PEAK1: variants seen among roughly 807,000 people sequenced by gnomAD.
The protein encoded by PEAK1 is pseudopodium enriched atypical kinase 1, also known as inactive tyrosine-protein kinase PEAK1.
Under a neutral mutation model 124.7 loss-of-function variants are expected in PEAK1, and 54 were observed. The ratio of observed to expected loss-of-function variants is 0.43; its 90% CI spans 0.35 to 0.54. PEAK1 has a LOEUF of 0.54. Ranked by LOEUF, PEAK1 falls within the 20% of genes least tolerant of loss-of-function variation. The pLI, the probability that PEAK1 is intolerant of heterozygous loss-of-function variation, is 0.01. For synonymous variants in PEAK1, 719 were observed against 760.0 expected, an observed-to-expected ratio of 0.95 and a Z score of 0.89; for missense variants, 2,046 against 2,134.5, an observed-to-expected ratio of 0.96 and a Z score of 0.82.
chr15:77,277,274 A>T (rs1337147593), intron 5 of PEAK1, among the ~76,000 whole-genome samples: 1 of 152,156 alleles, frequency 6.6e-6, no homozygotes, highest in East Asian at 1.9e-4. Flanking sequence ...AAAATGACAA[A>T]ATTATAGAGA....
intron 6 of PEAK1, among the ~76,000 whole-genome samples, chr15:77,220,916 A>T (rs1378387643): frequency 1.3e-5 from 2 of 152,104 alleles, no homozygotes; most frequent in Non-Finnish European, 2.9e-5. Flanking sequence ...TTAGAAACTA[A>T]ATACAGACAA....
intron 2 of PEAK1, among the ~76,000 whole-genome samples, chr15:77,322,551 C>T (rs2065289212): frequency 6.6e-6 from 1 of 152,214 alleles, no homozygotes; most frequent in Admixed American, 6.5e-5. Flanking sequence ...AATTCCTCAA[C>T]TCTTACACCC....
At chr15:77,396,388 A>T (rs760617378) in intron 1 of PEAK1, among the ~76,000 whole-genome samples, 2 of 150,548 alleles carry the variant, frequency 1.3e-5, no homozygotes, top group African/African-American at 5.0e-5. Context: ...GGAAACAAAT[A>T]AAAATATGGT....
At chr15:77,355,653 G>C in intron 2 of PEAK1, 1 of 613,300 alleles carries the variant, frequency 1.6e-6, no homozygotes, top group African/African-American at 2.0e-5. Flanking sequence ...CTCTATGAAG[G>C]GCTACAGACC....
intron 9 of PEAK1, among the ~76,000 whole-genome samples, chr15:77,127,750 G>A (rs573476027): frequency 3.3e-5 from 5 of 152,272 alleles, no homozygotes; most frequent in African/African-American, 1.2e-4. Context: ...AAACCAGAAC[G>A]TGAAGACTTG....
intron 5 of PEAK1, among the ~76,000 whole-genome samples, chr15:77,281,840 G>A (rs184717136): frequency 2.7e-3 from 417 of 152,142 alleles, no homozygotes; most frequent in Non-Finnish European, 4.3e-3. Context: ...AAATAACTGG[G>A]CAACTCAAAG....
chr15:77,212,279 A>G (rs2058941086), intron 6 of PEAK1, among the ~76,000 whole-genome samples: 1 of 152,174 alleles, frequency 6.6e-6, no homozygotes, highest in African/African-American at 2.4e-5. Context: ...TTCTCTTTTT[A>G]GTACTTTTCC....
intron 5 of PEAK1, among the ~76,000 whole-genome samples, chr15:77,281,470 T>C (rs749307179): frequency 6.6e-6 from 1 of 152,170 alleles, no homozygotes; most frequent in Non-Finnish European, 1.5e-5. Flanking sequence ...AATCTTATAT[T>C]AAAATGTTCT....
Position 77,133,281 on chromosome 15 carries a change from G to A in PEAK1, c.3801C>T (p.Gly1267=). The A allele has an allele frequency of 1.2e-6, 2 of 1,614,242 alleles. No individual in the cohort carries two copies. The highest frequency in any genetic ancestry group is 1.7e-6 in the Non-Finnish European group (2 of 1,180,032). Residue 1267 remains glycine, a synonymous_variant, in exon 9 of 10, where the codon GGC becomes GGT. Coordinates refer to ENST00000682557, the MANE Select transcript of PEAK1 (RefSeq NM_001385026.1). The surrounding 1 kb of genome is among the most constrained non-coding windows in gnomAD (Gnocchi z 4.2). ...GTGCTTGTCTCTGCGGCTTCTGGAT[G>A]CCTCGGCCCTGTCTGCAAGAGGGCC... ...RRGPSCRQGR[G]IQKPQRQALY...
intron 2 of PEAK1, among the ~76,000 whole-genome samples, chr15:77,296,629 T>G (rs2063500572): frequency 1.4e-5 from 2 of 146,068 alleles, no homozygotes; most frequent in African/African-American, 2.6e-5. Context: ...AATAAATAAA[T>G]AAAAGAAAAT....
chr15:77,184,626 G>A (rs1047566685), intron 6 of PEAK1, among the ~76,000 whole-genome samples: 1 of 152,230 alleles, frequency 6.6e-6, no homozygotes, highest in Admixed American at 6.5e-5. Flanking sequence ...GCTGGGCGCG[G>A]TAGCTCATGC....
chr15:77,293,824 T>C (rs73461003), intron 2 of PEAK1, among the ~76,000 whole-genome samples: 233 of 152,314 alleles, frequency 1.5e-3, no homozygotes, highest in African/African-American at 5.5e-3. Context: ...TACAATTAAT[T>C]GAAGCTCTGA....
intron 1 of PEAK1, among the ~76,000 whole-genome samples, chr15:77,387,684 T>C (rs1487038624): frequency 6.6e-6 from 1 of 152,190 alleles, no homozygotes; most frequent in Non-Finnish European, 1.5e-5. Context: ...ATAAAGTTAC[T>C]TGAGGAAGCT....
intron 1 of PEAK1, among the ~76,000 whole-genome samples, chr15:77,394,168 G>A (rs1385815204): frequency 2.0e-5 from 3 of 152,198 alleles, no homozygotes; most frequent in African/African-American, 7.2e-5. Flanking sequence ...GCTCCTGGAT[G>A]GCATCTCTGG....
intron 1 of PEAK1, among the ~76,000 whole-genome samples, chr15:77,372,054 A>T (rs2068680266): frequency 6.6e-6 from 1 of 152,230 alleles, no homozygotes. Context: ...TCAAAGGTAT[A>T]AGGCAACAAC....
chr15:77,338,476 G>C (rs529543772), intron 2 of PEAK1, among the ~76,000 whole-genome samples: 1 of 151,950 alleles, frequency 6.6e-6, no homozygotes, highest in East Asian at 1.9e-4. Context: ...TCTACAAAAG[G>C]TACACTCCCC....
At chr15:77,273,843 A>C (rs1380365933) in intron 5 of PEAK1, among the ~76,000 whole-genome samples, 1 of 152,178 alleles carries the variant, frequency 6.6e-6, no homozygotes, top group Non-Finnish European at 1.5e-5. Flanking sequence ...CAAAAAGAAC[A>C]AATTTGGAGG....
At chr15:77,173,157 T>C (rs190913517) in intron 7 of PEAK1, among the ~76,000 whole-genome samples, 1 of 152,316 alleles carries the variant, frequency 6.6e-6, no homozygotes, top group African/African-American at 2.4e-5. Context: ...AAGATGCAAG[T>C]AGTTTTAACC....
chr15:77,281,947 C>A (rs879388337), intron 5 of PEAK1, among the ~76,000 whole-genome samples: 2 of 152,150 alleles, frequency 1.3e-5, no homozygotes, highest in African/African-American at 2.4e-5. Flanking sequence ...CCATTTAATT[C>A]TTTCAAATAC....
Sources: allele counts gnomAD v4.1 joint callset (sites outside exome capture counted in the v4.1 genomes callset), GRCh38; gene constraint gnomAD v4.1.1; non-coding constraint Gnocchi (gnomAD v3.1); transcripts MANE v1.5; gene names NCBI Gene and HGNC (gene_info 2026-07-23, HGNC 2026-07-21).